FGF14: variants seen among roughly 807,000 people sequenced by gnomAD.
The protein encoded by FGF14 is fibroblast growth factor 14.
Under a neutral mutation model 25.5 loss-of-function variants are expected in FGF14, and 5 were observed. That is an observed-to-expected ratio of 0.20 (90% confidence interval 0.10 to 0.41). The LOEUF (loss-of-function observed/expected upper bound fraction) is 0.41, where lower values mean the gene tolerates loss of function less well. Among genes scored for constraint, FGF14 ranks in the 10% least tolerant of loss-of-function variants. FGF14 has a pLI of 1.00. For synonymous variants in FGF14, 138 were observed against 118.3 expected, an observed-to-expected ratio of 1.17 and a Z score of -1.08; for missense variants, 222 against 320.1, an observed-to-expected ratio of 0.69 and a Z score of 2.34.
At chr13:101,989,006 G>C (rs2038752145) in intron 1 of FGF14, among the ~76,000 whole-genome samples, 1 of 152,016 alleles carries the variant, frequency 6.6e-6, no homozygotes, top group Admixed American at 6.6e-5. Context: ...GTGTCACAGT[G>C]AATTTTCAGG....
At chr13:102,241,484 T>C (rs1231822600) in intron 1 of FGF14, among the ~76,000 whole-genome samples, 1 of 151,988 alleles carries the variant, frequency 6.6e-6, no homozygotes, top group Non-Finnish European at 1.5e-5. Context: ...GAAACAGCAA[T>C]AAAGTTATAA....
intron 3 of FGF14, among the ~76,000 whole-genome samples, chr13:101,746,833 T>C (rs1278326802): frequency 6.6e-6 from 1 of 152,020 alleles, no homozygotes; most frequent in Non-Finnish European, 1.5e-5. Context: ...AAAATTATCA[T>C]AACGCATTCT....
chr13:102,317,681 C>A (rs1566933038), intron 1 of FGF14, among the ~76,000 whole-genome samples: 1 of 152,140 alleles, frequency 6.6e-6, no homozygotes, highest in Non-Finnish European at 1.5e-5. Flanking sequence ...CAGCAGATCC[C>A]TCAGTCCTGG....
At chr13:102,125,873 C>T (rs66578550) in intron 1 of FGF14, among the ~76,000 whole-genome samples, 39,421 of 151,954 alleles carry the variant, frequency 0.26, 6,400 homozygotes, top group East Asian at 0.83. Flanking sequence ...GAAATTTTAA[C>T]TTTAAATAAA....
intron 3 of FGF14, chr13:101,802,262 G>A (rs1000543713): frequency 1.7e-5 from 4 of 242,024 alleles, no homozygotes; most frequent in South Asian, 1.1e-4. Context: ...TAAGTGACAG[G>A]ACAAAGCAGA....
chr13:102,183,011 G>A (rs1444998037), intron 1 of FGF14, among the ~76,000 whole-genome samples: 1 of 152,070 alleles, frequency 6.6e-6, no homozygotes, highest in African/African-American at 2.4e-5. Flanking sequence ...ACAAAGGGGA[G>A]TGCTGACTTA....
intron 1 of FGF14, among the ~76,000 whole-genome samples, chr13:102,219,343 G>A (rs1413032025): frequency 6.6e-6 from 1 of 152,058 alleles, no homozygotes; most frequent in Non-Finnish European, 1.5e-5. Context: ...TCCTGGGGCT[G>A]CTACCTCCAT....
intron 1 of FGF14, among the ~76,000 whole-genome samples, chr13:102,232,268 T>A (rs1202263060): frequency 6.7e-6 from 1 of 148,312 alleles, no homozygotes; most frequent in Admixed American, 6.8e-5. Context: ...CACAGTCATA[T>A]GGAGCTACAA....
intron 1 of FGF14, among the ~76,000 whole-genome samples, chr13:101,949,023 G>C (rs1263128730): frequency 6.6e-6 from 1 of 152,100 alleles, no homozygotes; most frequent in African/African-American, 2.4e-5. Flanking sequence ...TTTTCCAGTT[G>C]TATGGGTGTG....
chr13:101,996,852 T>G (rs1021667591), intron 1 of FGF14, among the ~76,000 whole-genome samples: 1 of 152,056 alleles, frequency 6.6e-6, no homozygotes, highest in African/African-American at 2.4e-5. Context: ...CTTCCAAACA[T>G]AGAGAGGAAG....
intron 1 of FGF14, among the ~76,000 whole-genome samples, chr13:102,101,127 G>A (rs1293606623): frequency 6.6e-6 from 1 of 151,700 alleles, no homozygotes; most frequent in Non-Finnish European, 1.5e-5. Context: ...AAAAAAAAAG[G>A]TAAAGTGACT....
At chr13:102,019,673 A>C (rs1012285176) in intron 1 of FGF14, among the ~76,000 whole-genome samples, 17 of 152,186 alleles carry the variant, frequency 1.1e-4, no homozygotes, top group Admixed American at 5.9e-4. Context: ...GAGATGTTCT[A>C]AGCAAGCCTT....
Position 101,714,738 on chromosome 13 carries a change from G to GAAGAATAC in FGF14, c.*8085_*8092dup, listed in dbSNP as rs776978396. ...AAGCCTCACATTATTCCTAGGCATAGAAGAATACAAGAGAATGAAGCTAAA... is the reference window on the plus strand; with the variant it reads ...AAGCCTCACATTATTCCTAGGCATAGAAGAATACAAGAATACAAGAGAATGAAGCTAAA... On this transcript the variant is annotated 3_prime_UTR_variant, in exon 5 of 5. Transcript: ENST00000376143. 68 of 577,584 alleles carry GAAGAATAC rather than the reference G, an allele frequency of 1.2e-4. No homozygotes were observed. Among genetic ancestry groups the GAAGAATAC allele is most frequent in the Admixed American group, 5.5e-4 (18 of 32,708 alleles). The allele number at this position is 577,584 out of a possible 1,614,324, so 35.8% of individuals were successfully genotyped here. A position where few individuals can be genotyped will look rare whatever the true frequency, so the allele number is the denominator to read the frequency against.
intron 1 of FGF14, among the ~76,000 whole-genome samples, chr13:102,127,745 C>T (rs781111981): frequency 1.3e-5 from 2 of 152,200 alleles, no homozygotes; most frequent in Non-Finnish European, 1.5e-5. Context: ...CACCACTGAG[C>T]AATGCCAATG....
chr13:101,930,214 AAAC>A (rs1367925737), intron 1 of FGF14, among the ~76,000 whole-genome samples: 24 of 152,356 alleles, frequency 1.6e-4, no homozygotes, highest in African/African-American at 3.6e-4. Context: ...AACCCAACAA[AAAC>A]AACAACAAAA....
At chr13:102,009,295 T>C (rs1242590118) in intron 1 of FGF14, among the ~76,000 whole-genome samples, 2 of 152,116 alleles carry the variant, frequency 1.3e-5, no homozygotes, top group East Asian at 3.9e-4. Context: ...GATGGATGGA[T>C]GGATAAATCG....
At chr13:102,388,069 T>C (rs1481561267) in intron 1 of FGF14, among the ~76,000 whole-genome samples, 1 of 152,164 alleles carries the variant, frequency 6.6e-6, no homozygotes, top group Non-Finnish European at 1.5e-5. Flanking sequence ...TCCTCCTCTC[T>C]TTCTCCACTC....
intron 1 of FGF14, among the ~76,000 whole-genome samples, chr13:102,317,452 A>T (rs1191622213): frequency 6.6e-6 from 1 of 152,104 alleles, no homozygotes; most frequent in African/African-American, 2.4e-5. Context: ...ATTTACACAC[A>T]TTGAAGGAGT....
chr13:101,983,156 T>C (rs939660830), intron 1 of FGF14, among the ~76,000 whole-genome samples: 1 of 149,306 alleles, frequency 6.7e-6, no homozygotes, highest in Non-Finnish European at 1.5e-5. Context: ...AGGCTATAAA[T>C]AAACATTTGT....
Sources: gnomAD v4.1 joint callset for allele counts (sites outside exome capture counted in the v4.1 genomes callset) on GRCh38, gnomAD v4.1.1 for gene constraint, MANE v1.5 for transcripts, NCBI Gene and HGNC (gene_info 2026-07-23, HGNC 2026-07-21) for gene names.